CDK19: variants seen among roughly 807,000 people sequenced by gnomAD.
CDK19 encodes cyclin-dependent kinase 19.
In CDK19, 20 loss-of-function variants were observed where a neutral mutation model predicts 68.3. That is an observed-to-expected ratio of 0.29 (90% CI 0.21 to 0.43). CDK19 has a LOEUF of 0.43. CDK19 is among the 20% of genes least tolerant of loss of function. CDK19 has a pLI of 1.00. For missense variants in CDK19, 339 were observed against 623.5 expected (o/e 0.54, Z 4.86); for synonymous variants, 221 against 222.8 (o/e 0.99, Z 0.07).
chr6:110,795,602 T>C (rs1170845355), intron 1 of CDK19, among the ~76,000 whole-genome samples: 2 of 152,186 alleles, frequency 1.3e-5, no homozygotes, highest in East Asian at 3.8e-4. Context: ...AATTAGGTTA[T>C]AAATACTAAG....
Position 110,670,417 on chromosome 6 carries a change from G to T in CDK19, c.315+14C>A, listed in dbSNP as rs1217657349. ...TATAAAACAATCCTAGAAATACAGTGAGATTATACTTACCCACAAGTCATG... is the reference window on the plus strand; with the variant it reads ...TATAAAACAATCCTAGAAATACAGTTAGATTATACTTACCCACAAGTCATG... On this transcript the variant is annotated intron_variant, in intron 3 of 12. Transcript: ENST00000368911. The T allele has an allele frequency of 1.1e-5, 16 of 1,396,240 alleles. No individual in the cohort carries two copies. The highest frequency in any genetic ancestry group is 1.6e-5 in the Non-Finnish European group (16 of 981,684). The allele number at this position is 1,396,240 out of a possible 1,614,324, so 86.5% of individuals were successfully genotyped here.
At chr6:110,668,739 G>A (rs1371411480) in intron 3 of CDK19, among the ~76,000 whole-genome samples, 3 of 152,022 alleles carry the variant, frequency 2.0e-5, no homozygotes, top group African/African-American at 7.2e-5. Flanking sequence ...GGCTGAGGCA[G>A]GAGAATCACT....
intron 1 of CDK19, chr6:110,814,052 C>T (rs1783348866): frequency 6.4e-6 from 1 of 156,344 alleles, no homozygotes; most frequent in Non-Finnish European, 1.4e-5. Context: ...ATTCTCAGTA[C>T]ATTATCCAGC....
chr6:110,764,929 C>T (rs568798987), intron 1 of CDK19, among the ~76,000 whole-genome samples: 2 of 127,236 alleles, frequency 1.6e-5, no homozygotes, highest in African/African-American at 5.6e-5. Context: ...CAAGCCTGAG[C>T]AACAGAGCAA....
Position 110,622,074 on chromosome 6 carries a change from C to T in CDK19, c.1110+14G>A, listed in dbSNP as rs371273030. 9.8e-6 allele frequency: 15 copies of T among 1,537,322 alleles called. No individual in the cohort carries two copies. Among genetic ancestry groups the T allele is most frequent in the Middle Eastern group, 1.7e-4 (1 of 5,896 alleles). ...TTGCTCTTTGGAAGTGAAAGTATACCGTGCAGTTTATACCTTGTCACCTTT... is the reference window on the plus strand; with the variant it reads ...TTGCTCTTTGGAAGTGAAAGTATACTGTGCAGTTTATACCTTGTCACCTTT... On this transcript the variant is annotated intron_variant, in intron 11 of 12. Transcript: ENST00000368911.
At chr6:110,626,912 G>T in intron 7 of CDK19, 67 bp from the exon 8 acceptor site, 2 of 1,388,122 alleles carry the variant, frequency 1.4e-6, no homozygotes, top group Admixed American at 2.0e-5. Flanking sequence ...AATTATGTTA[G>T]TTTATAAATA....
At chr6:110,746,258 A>T in intron 1 of CDK19, 57 bp from the exon 2 acceptor site, 1 of 1,043,442 alleles carries the variant, frequency 9.6e-7, no homozygotes, top group Non-Finnish European at 1.5e-6. Context: ...ATTCAAAATT[A>T]TAACTACAAA....
chr6:110,631,294 C>T (rs1779421402), intron 6 of CDK19, among the ~76,000 whole-genome samples: 1 of 152,196 alleles, frequency 6.6e-6, no homozygotes, highest in Admixed American at 6.5e-5. Flanking sequence ...CTACTCTCTC[C>T]TTTTCCTTCC....
At position 110,800,772 on chromosome 6, in the gene CDK19, A is replaced by C. The variant is rs186972597; in HGVS notation, c.128+14237T>G. Among the ~76,000 whole-genome samples, 269 of 152,320 alleles carry C rather than the reference A, an allele frequency of 1.8e-3. 3 individuals carry two copies. Among genetic ancestry groups the C allele is most frequent in the Non-Finnish European group, 1.9e-3 (130 of 68,034 alleles). On this transcript the variant is annotated intron_variant, in intron 1 of 12. Coordinates refer to ENST00000368911, the MANE Select transcript of CDK19 (RefSeq NM_015076.5). ...CATTCCCTTCATGACAAAAATGCTC[A>C]ACAAACAAGGCACTGAAGGAACATA...
chr6:110,729,993 T>C (rs1776627053), intron 2 of CDK19, among the ~76,000 whole-genome samples: 1 of 152,184 alleles, frequency 6.6e-6, no homozygotes, highest in African/African-American at 2.4e-5. Flanking sequence ...GAGTAATAGA[T>C]GGCCCAAGAC....
intron 2 of CDK19, among the ~76,000 whole-genome samples, chr6:110,731,301 T>C (rs574829463): frequency 2.6e-5 from 4 of 152,128 alleles, no homozygotes; most frequent in Non-Finnish European, 5.9e-5. Context: ...GGAAAAACAA[T>C]CTTCACAACC....
intron 1 of CDK19, among the ~76,000 whole-genome samples, chr6:110,782,872 T>C (rs571562219): frequency 5.0e-4 from 76 of 152,300 alleles, no homozygotes; most frequent in African/African-American, 1.8e-3. Context: ...TGACTTGCTG[T>C]TGTTCTTTCC....
chr6:110,808,838 A>G (rs1266449304), intron 1 of CDK19, among the ~76,000 whole-genome samples: 1 of 152,212 alleles, frequency 6.6e-6, no homozygotes, highest in Non-Finnish European at 1.5e-5. Context: ...TAGCAATTCT[A>G]AAAGAGCTGG....
At chr6:110,806,306 CA>C (rs1782678211) in intron 1 of CDK19, among the ~76,000 whole-genome samples, 1 of 146,400 alleles carries the variant, frequency 6.8e-6, no homozygotes. Context: ...TGCCATCACA[CA>C]ACAGCCTGGG....
chr6:110,689,983 G>A (rs1772838422), intron 2 of CDK19, among the ~76,000 whole-genome samples: 1 of 152,208 alleles, frequency 6.6e-6, no homozygotes, highest in Non-Finnish European at 1.5e-5. Flanking sequence ...CTTTCCACTA[G>A]TGGTAAATTT....
chr6:110,791,924 G>C (rs1781620495), intron 1 of CDK19, among the ~76,000 whole-genome samples: 1 of 151,752 alleles, frequency 6.6e-6, no homozygotes, highest in Non-Finnish European at 1.5e-5. Flanking sequence ...GGGATTACAG[G>C]CATAAGCCAC....
intron 1 of CDK19, among the ~76,000 whole-genome samples, chr6:110,811,518 G>T (rs1783100577): frequency 6.6e-6 from 1 of 152,180 alleles, no homozygotes; most frequent in Admixed American, 6.5e-5. Context: ...AAAGTGCTGG[G>T]ATTAAAGGTG....
At chr6:110,648,665 T>C (rs2114850769) in intron 4 of CDK19, among the ~76,000 whole-genome samples, 1 of 148,770 alleles carries the variant, frequency 6.7e-6, no homozygotes, top group African/African-American at 2.5e-5. Context: ...CTCAGCCTCC[T>C]GAGTAGCTGG....
chr6:110,798,000 AAAAAAGAAAG>A (rs1290924973), intron 1 of CDK19, among the ~76,000 whole-genome samples: 1 of 147,956 alleles, frequency 6.8e-6, no homozygotes, highest in African/African-American at 2.4e-5. Flanking sequence ...AAAAAAAAAA[AAAAAAGAAAG>A]AAAAAGAAAG....
Sources: gnomAD v4.1 joint callset for allele counts (sites outside exome capture counted in the v4.1 genomes callset) on GRCh38, gnomAD v4.1.1 for gene constraint, MANE v1.5 for transcripts, NCBI Gene and HGNC (gene_info 2026-07-23, HGNC 2026-07-21) for gene names.